Variants in SCN8A observed in about 807,000 individuals in gnomAD.
SCN8A encodes the protein sodium voltage-gated channel alpha subunit 8.
A neutral mutation model predicts 184.1 loss-of-function variants in SCN8A; 30 were observed. The observed-to-expected ratio is 0.16, with a 90% confidence interval of 0.12 to 0.22. The LOEUF (loss-of-function observed/expected upper bound fraction) is 0.22. SCN8A is among the 10% of genes least tolerant of loss of function. The probability of loss-of-function intolerance (pLI) is 1.00; values close to 1 mark genes in which losing one functional copy is unlikely to be tolerated. For missense variants in SCN8A, 1,057 were observed against 2,498.9 expected, an observed-to-expected ratio of 0.42 and a Z score of 12.30; for synonymous variants, 852 against 907.0, an observed-to-expected ratio of 0.94 and a Z score of 1.09.
intron 11 of SCN8A, among the ~76,000 whole-genome samples, chr12:51,718,991 A>G (rs2138775725): frequency 6.7e-6 from 1 of 148,558 alleles, no homozygotes; most frequent in South Asian, 2.2e-4. Context: ...GCCAGCCGAT[A>G]GATTATTACA....
At chr12:51,685,171 A>G (rs557497313) in intron 3 of SCN8A, among the ~76,000 whole-genome samples, 1 of 152,360 alleles carries the variant, frequency 6.6e-6, no homozygotes, top group South Asian at 2.1e-4. Context: ...CTGAAAGTTT[A>G]TAAGGAAATA....
chr12:51,762,373 T>C, intron 14 of SCN8A, 130 bp from the exon 15 acceptor site: 1 of 833,242 alleles, frequency 1.2e-6, no homozygotes, highest in Non-Finnish European at 1.9e-6. Context: ...CAGGTATTGA[T>C]ATCTTCAGAT....
At chr12:51,666,454 C>A (rs1941035119) in intron 2 of SCN8A, among the ~76,000 whole-genome samples, 1 of 152,196 alleles carries the variant, frequency 6.6e-6, no homozygotes, top group Non-Finnish European at 1.5e-5. Flanking sequence ...TTAGCAAGAT[C>A]TCTTCTACAA....
At chr12:51,626,679 T>C (rs1940085814) in intron 1 of SCN8A, among the ~76,000 whole-genome samples, 1 of 152,094 alleles carries the variant, frequency 6.6e-6, no homozygotes, top group Non-Finnish European at 1.5e-5. Context: ...CTCTTCCTTA[T>C]AAACATTAGT....
At chr12:51,618,287 AAC>A (rs1334208113) in intron 1 of SCN8A, among the ~76,000 whole-genome samples, 2 of 151,958 alleles carry the variant, frequency 1.3e-5, no homozygotes, top group Non-Finnish European at 2.9e-5. Context: ...GAGAGCAGGA[AAC>A]ACACACACAA....
chr12:51,789,796 A>C (rs927625956), intron 24 of SCN8A, among the ~76,000 whole-genome samples: 2 of 152,246 alleles, frequency 1.3e-5, no homozygotes, highest in Admixed American at 6.5e-5. Context: ...ATCTCTGAGC[A>C]CAAGCAAATT....
chr12:51,749,039 C>T (rs1942556609), intron 13 of SCN8A, among the ~76,000 whole-genome samples: 1 of 152,208 alleles, frequency 6.6e-6, no homozygotes, highest in South Asian at 2.1e-4. Context: ...AACCTTTGGA[C>T]ATCTCACCCC....
chr12:51,760,632 CT>C (rs759846434), intron 14 of SCN8A, among the ~76,000 whole-genome samples: 5 of 152,218 alleles, frequency 3.3e-5, no homozygotes, highest in Non-Finnish European at 7.3e-5. Context: ...TGGGTTTACA[CT>C]AAGGGTGAAA....
At position 51,788,483 on chromosome 12, in the gene SCN8A, A is replaced by G. The variant is rs557903596; in HGVS notation, c.4228-212A>G. On this transcript the variant is annotated intron_variant, in intron 22 of 26. Transcript: ENST00000627620. ...CCTTAATCCCATTACCATTTTCAAC[A>G]TGTTTATTTGCCAAACTTTGTTGTT... The G allele has an allele frequency of 8.1e-6, 3 of 369,134 alleles. No homozygotes were observed. In the East Asian group the frequency reaches 1.3e-4, roughly 16 times the overall value. The allele number at this position is 369,134 out of a possible 1,614,324, so 22.9% of individuals were successfully genotyped here. A position where few individuals can be genotyped will look rare whatever the true frequency, so the allele number is the denominator to read the frequency against.
chr12:51,762,792 AT>A (rs2138858116), intron 15 of SCN8A, 116 bp downstream of exon 15: 1 of 937,094 alleles, frequency 1.1e-6, no homozygotes, highest in East Asian at 3.2e-5. Flanking sequence ...TTTACTCCCA[AT>A]TCCAGTTATT....
At chr12:51,592,809 G>A (rs553815002) in intron 1 of SCN8A, among the ~76,000 whole-genome samples, 1 of 152,040 alleles carries the variant, frequency 6.6e-6, no homozygotes, top group Non-Finnish European at 1.5e-5. Context: ...GTAGCAGTGT[G>A]TTAGGGCTGG....
intron 11 of SCN8A, among the ~76,000 whole-genome samples, chr12:51,711,489 C>CTATAACTAGTTATAGAAGGTTA (rs1216943081): frequency 6.6e-6 from 1 of 152,174 alleles, no homozygotes; most frequent in Non-Finnish European, 1.5e-5. Flanking sequence ...TCACTTATAA[C>CTATAACTAGTTATAGAAGGTTA]TATAACTAGT....
rs1327641986 is a variant in SCN8A at position 51,804,468 on chromosome 12, G to A, written c.4796-1814G>A. ...TGAGTAGCTCGGGTTACAGGCATGC[G>A]CCACCGCGCCCAGCTAATTTTTGTA... On this transcript the variant is annotated intron_variant, in intron 26 of 26. Coordinates refer to ENST00000627620, the MANE Select transcript of SCN8A (RefSeq NM_001330260.2). Among the ~76,000 whole-genome samples, 4 of 148,024 alleles carry A rather than the reference G, an allele frequency of 2.7e-5. No homozygotes were observed. The East Asian group carries it at 6.0e-4, about 22-fold the overall frequency.
chr12:51,645,225 G>A (rs1174890171), intron 1 of SCN8A, among the ~76,000 whole-genome samples: 2 of 145,694 alleles, frequency 1.4e-5, no homozygotes, highest in South Asian at 2.2e-4. Flanking sequence ...CCCCCCGCCC[G>A]GCCAGCCGCC....
rs146606987 is a variant in SCN8A at position 51,614,653 on chromosome 12, A to G, written c.-55+23294A>G. 1.8e-3 allele frequency among the ~76,000 whole-genome samples: 275 copies of G among 152,208 alleles called. 1 individual carries two copies. Among genetic ancestry groups the G allele is most frequent in the African/African-American group, 6.4e-3 (267 of 41,544 alleles). On this transcript the variant is annotated intron_variant, in intron 1 of 26. Transcript: ENST00000627620. The stretch of plus-strand genomic sequence containing the variant: ...TACAGACTTCATTTGGATTTCACCA[A>G]ATTTTCTACTAATGTCCTTTTTTCT...
Position 51,751,424 on chromosome 12 carries a change from A to T in SCN8A, c.2201A>T (p.Glu734Val). The T allele has an allele frequency of 6.2e-7, 1 of 1,613,962 alleles. No homozygotes were observed. Among genetic ancestry groups the T allele is most frequent in the South Asian group, 1.1e-5 (1 of 91,076 alleles). The change falls in exon 14 of 27, where the codon GAG (glutamate) becomes GTG (valine). Residue 734 changes from glutamate to valine, a missense_variant. Glu to Val is a moderately radical substitution (Grantham distance 121). This residue lies in a region of SCN8A where 322 missense variants were observed against 390.1 expected (regional missense o/e 0.83). Coordinates refer to ENST00000627620, the MANE Select transcript of SCN8A (RefSeq NM_001330260.2). The part of the protein sequence containing the change: ...YKFANTFLIW[E>V]CHPYWIKLKE... The stretch of plus-strand genomic sequence containing the variant: ...TTTGCCAACACTTTCCTCATCTGGG[A>T]GTGCCACCCCTACTGGATAAAACTG...
intron 11 of SCN8A, among the ~76,000 whole-genome samples, chr12:51,708,911 C>T (rs1941827119): frequency 6.6e-6 from 1 of 151,940 alleles, no homozygotes; most frequent in South Asian, 2.1e-4. Context: ...ATTAAAACAT[C>T]ATCCCTACCC....
chr12:51,699,969 C>G (rs1006505759), intron 7 of SCN8A, among the ~76,000 whole-genome samples, 178 bp downstream of exon 7: 11 of 151,972 alleles, frequency 7.2e-5, no homozygotes, highest in African/African-American at 2.4e-4. Flanking sequence ...GAGTTTGAGA[C>G]CAGCCTGACC....
At chr12:51,772,737 T>C (rs1942945829) in intron 19 of SCN8A, among the ~76,000 whole-genome samples, 1 of 148,490 alleles carries the variant, frequency 6.7e-6, no homozygotes, top group Non-Finnish European at 1.5e-5. Context: ...TCCCAGCACT[T>C]TGGGAGGCTG....
Sources: gnomAD v4.1 joint callset for allele counts (sites outside exome capture counted in the v4.1 genomes callset) on GRCh38, gnomAD v4.1.1 for gene constraint, gnomAD v4.1.1 regional missense constraint, MANE v1.5 for transcripts, NCBI Gene and HGNC (gene_info 2026-07-23, HGNC 2026-07-21) for gene names.